Variants in SYCE2 observed in about 807,000 individuals in gnomAD.
SYCE2 encodes central element synaptonemal complex 1.
A neutral mutation model predicts 27.9 loss-of-function variants in SYCE2; 3 were observed. That is an observed-to-expected ratio of 0.11 (90% CI 0.05 to 0.28). The LOEUF is 0.28. Ranked by LOEUF, SYCE2 falls within the 10% of genes least tolerant of loss-of-function variation. The pLI is 1.00. For synonymous variants in SYCE2, 85 were observed against 100.7 expected (o/e 0.84, Z 0.93); for missense variants, 207 against 263.5 (o/e 0.79, Z 1.48).
rs762365262 is a variant in SYCE2, at chr19:12,900,168, G to T, written c.496-48C>A. The T allele has an allele frequency of 2.6e-6, 4 of 1,564,232 alleles. No individual in the cohort carries two copies. In the African/African-American group the frequency reaches 4.1e-5, roughly 16 times the overall value. On this transcript the variant is annotated intron_variant, in intron 4 of 5. Transcript: ENST00000293695. The stretch of plus-strand genomic sequence containing the variant: ...AGCAGTGCCGGTCTGTGCCAGGGCT[G>T]TGGGCAGAGGGGATGATTTCTGAGT...
chr19:12,907,643 T>C (rs1970960970), intron 2 of SYCE2, among the ~76,000 whole-genome samples: 1 of 151,896 alleles, frequency 6.6e-6, no homozygotes, highest in Non-Finnish European at 1.5e-5. Context: ...ATACAAAAAT[T>C]ACCCAGGCAT....
At chr19:12,904,153 C>G (rs796221857) in intron 3 of SYCE2, among the ~76,000 whole-genome samples, 3 of 152,138 alleles carry the variant, frequency 2.0e-5, no homozygotes, top group Non-Finnish European at 4.4e-5. Flanking sequence ...CATCCAACGC[C>G]CCGCTCCCTC....
chr19:12,913,685 T>C (rs1446975386), intron 2 of SYCE2, among the ~76,000 whole-genome samples: 2 of 152,210 alleles, frequency 1.3e-5, no homozygotes, highest in Non-Finnish European at 2.9e-5. Flanking sequence ...GGTTTTAATC[T>C]ATCTGTTTTT....
At chr19:12,910,921 C>G (rs1174086210) in intron 2 of SYCE2, among the ~76,000 whole-genome samples, 2 of 152,062 alleles carry the variant, frequency 1.3e-5, no homozygotes, top group Admixed American at 1.3e-4. Flanking sequence ...TCATGATCCG[C>G]CCGTCTCGGC....
At chr19:12,917,226 G>A (rs966246152) in intron 2 of SYCE2, among the ~76,000 whole-genome samples, 1 of 150,906 alleles carries the variant, frequency 6.6e-6, no homozygotes, top group Non-Finnish European at 1.5e-5. Flanking sequence ...CACCATGCCT[G>A]GCTAATTTTT....
chr19:12,914,443 G>T (rs552970061), intron 2 of SYCE2, among the ~76,000 whole-genome samples: 1 of 152,096 alleles, frequency 6.6e-6, no homozygotes, highest in Non-Finnish European at 1.5e-5. Context: ...TCATGGCCGG[G>T]AAACATCCTC....
chr19:12,907,350 G>A (rs556305864), intron 2 of SYCE2, among the ~76,000 whole-genome samples: 3 of 152,138 alleles, frequency 2.0e-5, no homozygotes, highest in Admixed American at 6.6e-5. Flanking sequence ...GCACTCAGGC[G>A]CCACTCCCCT....
chr19:12,915,726 G>A (rs947794185), intron 2 of SYCE2, among the ~76,000 whole-genome samples: 5 of 151,774 alleles, frequency 3.3e-5, no homozygotes, highest in Admixed American at 2.6e-4. Context: ...CCCTTCTGCA[G>A]CCCTCCCCTT....
At chr19:12,910,312 C>G (rs967667602) in intron 2 of SYCE2, among the ~76,000 whole-genome samples, 1 of 149,794 alleles carries the variant, frequency 6.7e-6, no homozygotes, top group African/African-American at 2.5e-5. Flanking sequence ...ATTTTTTTTT[C>G]TTTTGTAAGA....
At chr19:12,899,770 G>T in intron 5 of SYCE2, 1 of 1,605,778 alleles carries the variant, frequency 6.2e-7, no homozygotes. Context: ...TTTAACCATG[G>T]ATGAGAGCAG....
chr19:12,913,526 T>G (rs1378463239), intron 2 of SYCE2, among the ~76,000 whole-genome samples: 1 of 152,172 alleles, frequency 6.6e-6, no homozygotes, highest in East Asian at 1.9e-4. Context: ...AAACAATGTT[T>G]TGCTGAAGTA....
At chr19:12,914,410 C>T (rs144666680) in intron 2 of SYCE2, among the ~76,000 whole-genome samples, 230 of 152,140 alleles carry the variant, frequency 1.5e-3, no homozygotes, top group Admixed American at 3.3e-3. Flanking sequence ...TCTTTCAAGC[C>T]GGTAGGAGCT....
At chr19:12,908,298 AAGAG>A (rs766379162) in intron 2 of SYCE2, among the ~76,000 whole-genome samples, 25 of 113,542 alleles carry the variant, frequency 2.2e-4, no homozygotes, top group East Asian at 1.4e-3. Flanking sequence ...TTTTTTTTTT[AAGAG>A]AGAGAGAGAG....
chr19:12,908,240 C>T (rs899796529), intron 2 of SYCE2, among the ~76,000 whole-genome samples: 2 of 151,204 alleles, frequency 1.3e-5, no homozygotes, highest in African/African-American at 4.9e-5. Context: ...CCCATCAAGG[C>T]CAAGGTTCTA....
chr19:12,914,274 G>A (rs550708741), intron 2 of SYCE2: 1 of 152,216 alleles, frequency 6.6e-6, no homozygotes, highest in African/African-American at 2.4e-5. Flanking sequence ...TGTGTGATGG[G>A]GGGGAAGCCC....
Position 12,918,239 on chromosome 19 carries a change from A to G in SYCE2, c.114T>C (p.Ala38=). ...TTCCTCACCTAGCTGGCCCTCCACC[A>G]GCTTCCTCCTCGCAGTTCTCTTCCC... ...PRWEENCEEE[A]GGGPASASCQ... The change falls in exon 2 of 6, where the codon GCT becomes GCC. Residue 38 remains alanine, a synonymous_variant. Transcript: ENST00000293695. 3 of 1,614,150 alleles carry G rather than the reference A, an allele frequency of 1.9e-6. No homozygotes were observed. Among genetic ancestry groups the G allele is most frequent in the Non-Finnish European group, 2.5e-6 (3 of 1,179,998 alleles).
At chr19:12,917,289 C>G (rs1214776578) in intron 2 of SYCE2, among the ~76,000 whole-genome samples, 1 of 150,316 alleles carries the variant, frequency 6.7e-6, no homozygotes. Flanking sequence ...CTCCTGACCT[C>G]ATGATCTGCC....
intron 2 of SYCE2, among the ~76,000 whole-genome samples, chr19:12,909,824 T>G (rs1393739317): frequency 6.6e-6 from 1 of 151,976 alleles, no homozygotes; most frequent in Non-Finnish European, 1.5e-5. Context: ...CCTCGGCCTC[T>G]CAAAGTGCTG....
intron 2 of SYCE2, 161 bp from the exon 3 acceptor site, chr19:12,904,827 G>A (rs909386185): frequency 3.9e-6 from 3 of 762,366 alleles, no homozygotes; most frequent in African/African-American, 1.8e-5. Context: ...GTGAAACCTC[G>A]TCTCTAGTAA....
Sources: gnomAD v4.1 joint callset for allele counts (sites outside exome capture counted in the v4.1 genomes callset) on GRCh38, gnomAD v4.1.1 for gene constraint, MANE v1.5 for transcripts, NCBI Gene and HGNC (gene_info 2026-07-23, HGNC 2026-07-21) for gene names.